RASA3: variants seen among roughly 807,000 people sequenced by gnomAD.
RASA3 encodes ras GTPase-activating protein 3.
RASA3 carries 73 observed loss-of-function variants against 110.0 expected under a neutral mutation model. That is an observed-to-expected ratio of 0.66 (90% CI 0.55 to 0.81). The LOEUF (loss-of-function observed/expected upper bound fraction) is 0.81. Among genes scored for constraint, RASA3 ranks in the 30% least tolerant of loss-of-function variants. The pLI is 0.00. For missense variants in RASA3, 976 were observed against 1,113.2 expected, an observed-to-expected ratio of 0.88 and a Z score of 1.75; for synonymous variants, 500 against 451.4, an observed-to-expected ratio of 1.11 and a Z score of -1.37.
intron 2 of RASA3, among the ~76,000 whole-genome samples, chr13:114,060,736 C>T (rs902161686): frequency 5.9e-5 from 9 of 152,350 alleles, no homozygotes; most frequent in East Asian, 1.9e-4. Flanking sequence ...CCCAGCGCTG[C>T]GCTCGCCCGC....
intron 3 of RASA3, among the ~76,000 whole-genome samples, chr13:114,050,501 A>G (rs2079126442): frequency 1.3e-5 from 2 of 152,278 alleles, no homozygotes; most frequent in South Asian, 4.1e-4. Flanking sequence ...TACAGTGAAC[A>G]ACAGTCCCAA....
At position 114,018,932 on chromosome 13, in the gene RASA3, G is replaced by A. The variant is rs200329999; in HGVS notation, c.786-13C>T. ...CTGGAGGAAGTACCTGGGTGGGAGG[G>A]ACACATGGAGGGGAGGCATGAGGCT... is the stretch of plus-strand genomic sequence containing the variant. On this transcript the variant is annotated splice_polypyrimidine_tract_variant and intron_variant, in intron 9 of 23. Coordinates refer to ENST00000334062, the MANE Select transcript of RASA3 (RefSeq NM_007368.4). The A allele has an allele frequency of 3.7e-6, 6 of 1,613,168 alleles. No homozygotes were observed. Among genetic ancestry groups the A allele is most frequent in the African/African-American group, 2.7e-5 (2 of 75,032 alleles).
chr13:114,103,870 A>G (rs60560374), intron 1 of RASA3, among the ~76,000 whole-genome samples: 8 of 61,384 alleles, frequency 1.3e-4, no homozygotes, highest in East Asian at 8.5e-4. Flanking sequence ...CCCCGGCCAC[A>G]GACACCCACC....
chr13:114,004,022 CA>C (rs1401847909), intron 18 of RASA3, among the ~76,000 whole-genome samples: 1 of 152,176 alleles, frequency 6.6e-6, no homozygotes, highest in Non-Finnish European at 1.5e-5. Flanking sequence ...CACCGAAGAA[CA>C]AACATTTTGC....
At chr13:114,013,468 CCTGTCTCTCTCCGTATCT>C (rs2053689944) in intron 14 of RASA3, among the ~76,000 whole-genome samples, 1 of 141,894 alleles carries the variant, frequency 7.0e-6, no homozygotes, top group Non-Finnish European at 1.5e-5. Flanking sequence ...TGTCTCTCTC[CCTGTCTCTCTCCGTATCT>C]CTGTCTCTCT....
intron 10 of RASA3, among the ~76,000 whole-genome samples, 176 bp from the exon 11 acceptor site, chr13:114,018,428 C>T (rs542130935): frequency 1.2e-4 from 19 of 152,294 alleles, no homozygotes; most frequent in African/African-American, 3.6e-4. Context: ...TTGGCTGGAC[C>T]CTTGGAGGGG....
At chr13:114,038,992 T>C (rs1161463206) in intron 4 of RASA3, among the ~76,000 whole-genome samples, 1 of 152,216 alleles carries the variant, frequency 6.6e-6, no homozygotes, top group Non-Finnish European at 1.5e-5. Flanking sequence ...CAATTTACGA[T>C]GCGCCAGGTG....
chr13:114,104,735 G>A (rs1024314648), intron 1 of RASA3, among the ~76,000 whole-genome samples: 1 of 152,186 alleles, frequency 6.6e-6, no homozygotes, highest in African/African-American at 2.4e-5. Context: ...TTACGACTCA[G>A]GACAAGACTG....
intron 2 of RASA3, among the ~76,000 whole-genome samples, chr13:114,059,066 C>T (rs945943204): frequency 2.0e-5 from 3 of 152,292 alleles, no homozygotes; most frequent in Non-Finnish European, 2.9e-5. Context: ...GGTTTGGTGG[C>T]GCACGTCTGC....
At chr13:114,075,393 T>C (rs1351577133) in intron 1 of RASA3, among the ~76,000 whole-genome samples, 2 of 152,148 alleles carry the variant, frequency 1.3e-5, no homozygotes, top group Non-Finnish European at 2.9e-5. Context: ...TCATCCACAA[T>C]ATTAACCTGA....
rs1221352283 is a variant in RASA3 at position 114,112,303 on chromosome 13, T to C, written c.55+20132A>G. 6.6e-6 allele frequency among the ~76,000 whole-genome samples: 1 copy of C among 152,204 alleles called. No homozygotes were observed. Among genetic ancestry groups the C allele is most frequent in the African/African-American group, 2.4e-5 (1 of 41,456 alleles). ...CTGCTCAGCAATCCCCGGAGTCTTC[T>C]AGGGGGCCTGGGGCAGCCGGAACCT... On this transcript the variant is annotated intron_variant, in intron 1 of 23. Transcript: ENST00000334062. This position sits in a 1 kb window ranked among gnomAD's most constrained non-coding sequence, Gnocchi z 4.8.
At chr13:114,000,554 A>G (rs538525247) in intron 19 of RASA3, among the ~76,000 whole-genome samples, 3 of 152,350 alleles carry the variant, frequency 2.0e-5, no homozygotes, top group African/African-American at 7.2e-5. Flanking sequence ...GGACGTGGAC[A>G]GAAAAGCACC....
intron 2 of RASA3, among the ~76,000 whole-genome samples, chr13:114,059,473 T>C (rs1426127056): frequency 6.6e-6 from 1 of 152,246 alleles, no homozygotes; most frequent in Non-Finnish European, 1.5e-5. Flanking sequence ...ACACGGGCCT[T>C]GCCGGGGGAA....
chr13:114,052,562 G>A (rs2079162527), intron 2 of RASA3, among the ~76,000 whole-genome samples: 1 of 152,232 alleles, frequency 6.6e-6, no homozygotes, highest in South Asian at 2.1e-4. Flanking sequence ...CAGCACTCCA[G>A]TGCCTTGGAC....
At chr13:114,051,043 G>A (rs1354288402) in intron 3 of RASA3, among the ~76,000 whole-genome samples, 5 of 152,226 alleles carry the variant, frequency 3.3e-5, no homozygotes, top group African/African-American at 1.2e-4. Flanking sequence ...GCCAGTGTGA[G>A]CAGCGAGCGT....
Position 113,978,335 on chromosome 13 carries a change from T to C in RASA3, c.*1012A>G, listed in dbSNP as rs1389291688. On this transcript the variant is annotated 3_prime_UTR_variant, in exon 24 of 24. Transcript: ENST00000334062. The stretch of plus-strand genomic sequence containing the variant: ...CAGAGTTTCTTCCCTTCTTTGATTT[T>C]CTGGAGGACCTGCAGCTGGCCTTCC... 1 of 152,372 alleles carries C rather than the reference T, an allele frequency of 6.6e-6. No homozygotes were observed. Among genetic ancestry groups the C allele is most frequent in the East Asian group, 1.9e-4 (1 of 5,210 alleles). The allele number at this position is 152,372 out of a possible 1,614,324, so 9.4% of individuals were successfully genotyped here.
chr13:114,025,068 G>A (rs762124673), intron 7 of RASA3, among the ~76,000 whole-genome samples: 7 of 152,156 alleles, frequency 4.6e-5, no homozygotes, highest in South Asian at 2.1e-4. Context: ...ACCATCAGCC[G>A]TGCACCAGGT....
intron 2 of RASA3, among the ~76,000 whole-genome samples, chr13:114,058,771 G>A (rs570818645): frequency 2.0e-5 from 3 of 152,352 alleles, no homozygotes; most frequent in Admixed American, 1.3e-4. Context: ...CCTGCCCCTC[G>A]CAGGGGAGCT....
intron 2 of RASA3, among the ~76,000 whole-genome samples, chr13:114,052,524 G>A (rs904180035): frequency 1.3e-5 from 2 of 152,188 alleles, no homozygotes; most frequent in African/African-American, 4.8e-5. Flanking sequence ...GCAGGCAGTG[G>A]CTCCCTTTAT....
Sources: gnomAD v4.1 joint callset for allele counts (sites outside exome capture counted in the v4.1 genomes callset) on GRCh38, gnomAD v4.1.1 for gene constraint, Gnocchi (gnomAD v3.1) non-coding constraint, MANE v1.5 for transcripts, NCBI Gene and HGNC (gene_info 2026-07-23, HGNC 2026-07-21) for gene names.